BICD1: variants seen among roughly 807,000 people sequenced by gnomAD.
The protein encoded by BICD1 is BICD cargo adaptor 1.
BICD1 carries 35 observed loss-of-function variants against 92.5 expected under a neutral mutation model. The ratio of observed to expected loss-of-function variants is 0.38; its 90% confidence interval spans 0.29 to 0.50. BICD1 has a LOEUF of 0.50. BICD1 is among the 20% of genes least tolerant of loss of function. The pLI, the probability that BICD1 is intolerant of heterozygous loss-of-function variation, is 0.93. For synonymous variants in BICD1, 429 were observed against 465.1 expected (o/e 0.92, Z 1.00); for missense variants, 950 against 1,189.8 (o/e 0.80, Z 2.97).
chr12:32,328,615 C>A lies in BICD1; in HGVS notation c.2100+60C>A. ...AAAGCTTTCTTAACTAATTTATTCC[C>A]TAATTTTATTGAGTATCGAGTATCG... On this transcript the variant is annotated intron_variant, in intron 5 of 9. Coordinates refer to ENST00000652176, the MANE Select transcript of BICD1 (RefSeq NM_001714.4). This position sits in a 1 kb window ranked among gnomAD's most constrained non-coding sequence, Gnocchi z 4.4. 6.5e-7 allele frequency: 1 copy of A among 1,544,786 alleles called. No individual in the cohort carries two copies. The highest frequency in any genetic ancestry group is 1.3e-5 in the South Asian group (1 of 79,136).
rs532968994 is a variant in BICD1, at chr12:32,286,765, T to C, written c.427-7229T>C. Among the ~76,000 whole-genome samples, 3 of 152,322 alleles carry C rather than the reference T, an allele frequency of 2.0e-5. No homozygotes were observed. The East Asian group carries it at 5.8e-4, about 29-fold the overall frequency. On this transcript the variant is annotated intron_variant, in intron 2 of 9. Transcript: ENST00000652176. ...ATTAATCACTTGTATACCTGTTTTATTATTCATTCCATGGTCATTAGGGCC... is the reference window on the plus strand; with the variant it reads ...ATTAATCACTTGTATACCTGTTTTACTATTCATTCCATGGTCATTAGGGCC...
intron 8 of BICD1, among the ~76,000 whole-genome samples, chr12:32,343,421 C>T (rs1938455706): frequency 6.6e-6 from 1 of 152,018 alleles, no homozygotes; most frequent in South Asian, 2.1e-4. Flanking sequence ...TGTCAGAATA[C>T]GTAAAGGGAA....
intron 2 of BICD1, among the ~76,000 whole-genome samples, chr12:32,264,254 GTA>G (rs1315013138): frequency 6.6e-6 from 1 of 152,082 alleles, no homozygotes; most frequent in Non-Finnish European, 1.5e-5. Context: ...TAGCTCTTAA[GTA>G]TATCTCCTCA....
intron 3 of BICD1, among the ~76,000 whole-genome samples, chr12:32,295,950 G>A (rs536122915): frequency 1.3e-5 from 2 of 152,114 alleles, no homozygotes; most frequent in South Asian, 2.1e-4. Flanking sequence ...ACAGCGTCTG[G>A]CCAAAATTTG....
chr12:32,246,792 A>C (rs1026412877), intron 2 of BICD1, among the ~76,000 whole-genome samples: 5 of 152,142 alleles, frequency 3.3e-5, no homozygotes, highest in African/African-American at 1.2e-4. Flanking sequence ...TACAGCAAAA[A>C]ACAAGACAAA....
intron 2 of BICD1, among the ~76,000 whole-genome samples, chr12:32,282,202 C>CTTCTT (rs1947430802): frequency 1.1e-5 from 1 of 94,236 alleles, no homozygotes; most frequent in African/African-American, 4.5e-5. Flanking sequence ...AGGTCTTCTT[C>CTTCTT]TTTTTTTTTT....
At chr12:32,301,770 G>A (rs1948053577) in intron 3 of BICD1, among the ~76,000 whole-genome samples, 1 of 152,088 alleles carries the variant, frequency 6.6e-6, no homozygotes, top group Non-Finnish European at 1.5e-5. Flanking sequence ...GCAAGACCCT[G>A]TCACAAACAA....
intron 1 of BICD1, among the ~76,000 whole-genome samples, chr12:32,122,402 T>C (rs1020868633): frequency 1.3e-5 from 2 of 150,076 alleles, no homozygotes; most frequent in South Asian, 2.1e-4. Flanking sequence ...GGCAGGAGAA[T>C]GGTGTGAACC....
At chr12:32,329,702 T>C (rs1277558835) in intron 5 of BICD1, among the ~76,000 whole-genome samples, 1 of 152,206 alleles carries the variant, frequency 6.6e-6, no homozygotes, top group African/African-American at 2.4e-5. Context: ...GGTTAAGTAA[T>C]AGGGAGCTTT....
At chr12:32,130,332 T>C (rs976534294) in intron 1 of BICD1, among the ~76,000 whole-genome samples, 1 of 151,786 alleles carries the variant, frequency 6.6e-6, no homozygotes, top group Non-Finnish European at 1.5e-5. Flanking sequence ...GCCTCCCAAG[T>C]AGCTGGGACT....
intron 2 of BICD1, among the ~76,000 whole-genome samples, chr12:32,265,902 A>T (rs767744177): frequency 1.3e-5 from 2 of 152,178 alleles, no homozygotes; most frequent in African/African-American, 4.8e-5. Context: ...TAAAGAATGT[A>T]CACTGTTCTC....
chr12:32,237,219 A>G (rs568648240), intron 2 of BICD1, among the ~76,000 whole-genome samples: 5 of 152,250 alleles, frequency 3.3e-5, no homozygotes, highest in Non-Finnish European at 5.9e-5. Flanking sequence ...ACTCCCTTCA[A>G]TTCACTGAAG....
intron 1 of BICD1, 169 bp downstream of exon 1, chr12:32,107,713 A>G: frequency 1.2e-6 from 1 of 837,514 alleles, no homozygotes; most frequent in South Asian, 1.4e-5. Flanking sequence ...TCCTCCCCCA[A>G]GAGAAAAATT....
At chr12:32,312,050 A>T (rs183662474) in intron 4 of BICD1, among the ~76,000 whole-genome samples, 8 of 152,174 alleles carry the variant, frequency 5.3e-5, no homozygotes, top group Non-Finnish European at 1.2e-4. Context: ...GGCAAGATAA[A>T]AAAAAATCAG....
At chr12:32,325,056 C>A (rs1409703662) in intron 4 of BICD1, among the ~76,000 whole-genome samples, 1 of 151,980 alleles carries the variant, frequency 6.6e-6, no homozygotes, top group Non-Finnish European at 1.5e-5. Flanking sequence ...CACTATGTTG[C>A]CTCAGCTCCT....
intron 1 of BICD1, among the ~76,000 whole-genome samples, chr12:32,150,859 A>C (rs7957784): frequency 0.036 from 5,422 of 152,304 alleles, 327 homozygotes; most frequent in African/African-American, 0.12. Flanking sequence ...CAGGTAAAGA[A>C]GGCACGTGAG....
intron 2 of BICD1, among the ~76,000 whole-genome samples, chr12:32,239,635 C>G (rs1202614751): frequency 6.6e-6 from 1 of 151,532 alleles, no homozygotes; most frequent in Admixed American, 6.6e-5. Context: ...GAGTTTTGCT[C>G]TTGTTGCCCA....
intron 8 of BICD1, chr12:32,339,810 A>G (rs977955399): frequency 4.1e-6 from 4 of 984,156 alleles, no homozygotes; most frequent in Non-Finnish European, 3.6e-6. Context: ...AAATAAAACT[A>G]TTTAAGTTAG....
chr12:32,156,776 C>G (rs1392123871), intron 1 of BICD1, among the ~76,000 whole-genome samples: 1 of 152,200 alleles, frequency 6.6e-6, no homozygotes, highest in Non-Finnish European at 1.5e-5. Context: ...ATGTTTAGAT[C>G]AGCCAAGAGA....
Sources: allele counts gnomAD v4.1 joint callset (sites outside exome capture counted in the v4.1 genomes callset), GRCh38; gene constraint gnomAD v4.1.1; non-coding constraint Gnocchi (gnomAD v3.1); transcripts MANE v1.5; gene names NCBI Gene and HGNC (gene_info 2026-07-23, HGNC 2026-07-21).